SLC12A2: variants seen among roughly 807,000 people sequenced by gnomAD.
The protein encoded by SLC12A2 is solute carrier family 12 member 2, also known as Na-K-2Cl cotransporter 1.
In SLC12A2, 67 loss-of-function variants were observed where a neutral mutation model predicts 136.3. The observed-to-expected ratio is 0.49, with a 90% CI of 0.40 to 0.60. The LOEUF (loss-of-function observed/expected upper bound fraction) is 0.60, where lower values mean the gene tolerates loss of function less well. SLC12A2 is among the 20% of genes least tolerant of loss of function. The pLI, the probability that SLC12A2 is intolerant of heterozygous loss-of-function variation, is 0.00. For missense variants in SLC12A2, 1,322 were observed against 1,534.7 expected (o/e 0.86, Z 2.32); for synonymous variants, 619 against 562.9 (o/e 1.10, Z -1.41).
intron 1 of SLC12A2, among the ~76,000 whole-genome samples, chr5:128,105,615 C>T (rs1302722044): frequency 6.6e-6 from 1 of 152,004 alleles, no homozygotes; most frequent in Non-Finnish European, 1.5e-5. Context: ...AGTCAGAGTG[C>T]AGTAAAAAGT....
rs866422362 is a variant in SLC12A2 at position 128,180,905 on chromosome 5, C to T, written c.3123C>T (p.Tyr1041=). ...CAGGTTTGACCTTATTGATACCTTA[C>T]CTTCTGACGACCAAGAAAAAATGGA... The part of the protein sequence containing the change: ...DDGGLTLLIP[Y]LLTTKKKWKD... Residue 1041 remains tyrosine, a synonymous_variant, in exon 23 of 27, where the codon TAC becomes TAT. Transcript: ENST00000262461. 1.2e-6 allele frequency: 2 copies of T among 1,605,820 alleles called. No homozygotes were observed. Among genetic ancestry groups the T allele is most frequent in the African/African-American group, 1.3e-5 (1 of 74,648 alleles).
intron 23 of SLC12A2, among the ~76,000 whole-genome samples, chr5:128,181,784 C>T (rs971488545): frequency 6.6e-6 from 1 of 152,104 alleles, no homozygotes; most frequent in Non-Finnish European, 1.5e-5. Context: ...ATGCTCTAAA[C>T]ATGCATGTGA....
chr5:128,148,741 T>G lies in SLC12A2; in HGVS notation c.1882-13T>G. The G allele has an allele frequency of 6.4e-7, 1 of 1,567,124 alleles. No homozygotes were observed. The highest frequency in any genetic ancestry group is 1.2e-5 in the South Asian group (1 of 83,276). Reference sequence around the variant, plus strand: ...ATTTTAATATGTTTCATTTTAATGTTTTCTTTCATTAGGCTCTATGTAAGG... The same window carrying G: ...ATTTTAATATGTTTCATTTTAATGTGTTCTTTCATTAGGCTCTATGTAAGG... On this transcript the variant is annotated splice_polypyrimidine_tract_variant and intron_variant, in intron 11 of 26. Coordinates refer to ENST00000262461, the MANE Select transcript of SLC12A2 (RefSeq NM_001046.3).
At chr5:128,093,445 A>AT (rs1278298510) in intron 1 of SLC12A2, among the ~76,000 whole-genome samples, 2 of 152,002 alleles carry the variant, frequency 1.3e-5, no homozygotes, top group Non-Finnish European at 2.9e-5. Context: ...CTTGCTTGAC[A>AT]TTTTTGTTTT....
At chr5:128,135,677 A>G in intron 6 of SLC12A2, 23 bp from the exon 7 acceptor site, 1 of 1,415,010 alleles carries the variant, frequency 7.1e-7, no homozygotes, top group Non-Finnish European at 9.9e-7. Context: ...CTTGATTTTA[A>G]TTTTTAATGT....
chr5:128,172,249 A>G (rs1763399638), intron 19 of SLC12A2, among the ~76,000 whole-genome samples: 1 of 152,196 alleles, frequency 6.6e-6, no homozygotes, highest in African/African-American at 2.4e-5. Context: ...AGTTGCAAAA[A>G]ATAGTAGAGA....
intron 1 of SLC12A2, among the ~76,000 whole-genome samples, chr5:128,112,376 A>G (rs543120328): frequency 7.6e-4 from 115 of 152,302 alleles, no homozygotes; most frequent in South Asian, 1.4e-3. Flanking sequence ...TAAAAAAAAC[A>G]TATTCGTTGG....
chr5:128,159,496 A>G (rs1228149364), intron 16 of SLC12A2, among the ~76,000 whole-genome samples: 1 of 152,206 alleles, frequency 6.6e-6, no homozygotes, highest in Non-Finnish European at 1.5e-5. Context: ...AAGTTTTGCA[A>G]TGTATCCATC....
chr5:128,141,989 T>A lies in SLC12A2; in HGVS notation c.1773+8T>A. 6.2e-7 allele frequency: 1 copy of A among 1,612,568 alleles called. No individual in the cohort carries two copies. The highest frequency in any genetic ancestry group is 1.7e-5 in the Admixed American group (1 of 59,982). On this transcript the variant is annotated splice_region_variant and intron_variant, in intron 10 of 26. Transcript: ENST00000262461. ...CTAATGAACAACTTCCAGGTGAGCA[T>A]TGACTTTGTAATATACAGACATTCT...
chr5:128,180,500 G>C (rs1044036750), intron 22 of SLC12A2, among the ~76,000 whole-genome samples: 3 of 152,190 alleles, frequency 2.0e-5, no homozygotes, highest in Non-Finnish European at 4.4e-5. Context: ...CCTTGTGTGT[G>C]TGTCTGTGGA....
intron 19 of SLC12A2, 165 bp downstream of exon 19, chr5:128,171,911 G>C (rs1445265385): frequency 2.1e-6 from 1 of 481,548 alleles, no homozygotes; most frequent in East Asian, 3.5e-5. Context: ...ACTAAAGTTT[G>C]TGTTTTCTCG....
intron 22 of SLC12A2, 43 bp downstream of exon 22, chr5:128,178,732 C>T: frequency 6.9e-7 from 1 of 1,447,750 alleles, no homozygotes; most frequent in Non-Finnish European, 9.2e-7. Context: ...AATTTACTGA[C>T]ATTGTGAGAA....
intron 1 of SLC12A2, among the ~76,000 whole-genome samples, chr5:128,090,590 A>G (rs1213867423): frequency 2.0e-5 from 3 of 152,166 alleles, no homozygotes; most frequent in African/African-American, 7.2e-5. Flanking sequence ...TTCTAGCGGT[A>G]GGAGACAATA....
intron 1 of SLC12A2, among the ~76,000 whole-genome samples, chr5:128,108,671 T>A (rs1761033019): frequency 6.6e-6 from 1 of 152,060 alleles, no homozygotes; most frequent in African/African-American, 2.4e-5. Context: ...CTTTTCGGGG[T>A]GATAAAAATA....
At chr5:128,183,372 T>C (rs1046557068) in intron 24 of SLC12A2, among the ~76,000 whole-genome samples, 3 of 152,108 alleles carry the variant, frequency 2.0e-5, no homozygotes, top group East Asian at 1.9e-4. Flanking sequence ...CAGGTTGTTA[T>C]AATGATATTT....
chr5:128,116,874 C>CA (rs1456929922), intron 4 of SLC12A2, among the ~76,000 whole-genome samples: 1 of 152,002 alleles, frequency 6.6e-6, no homozygotes, highest in African/African-American at 2.4e-5. Context: ...GTATCTGACT[C>CA]AGATTTGGAA....
At chr5:128,156,969 G>A (rs1042218008) in intron 15 of SLC12A2, among the ~76,000 whole-genome samples, 3 of 152,130 alleles carry the variant, frequency 2.0e-5, no homozygotes, top group Non-Finnish European at 4.4e-5. Flanking sequence ...AATGTAACTT[G>A]CTAAAGCTCG....
chr5:128,131,651 C>G (rs1475797034), intron 5 of SLC12A2, among the ~76,000 whole-genome samples: 3 of 151,752 alleles, frequency 2.0e-5, no homozygotes, highest in African/African-American at 7.3e-5. Flanking sequence ...TTGCAGTGAA[C>G]TGAGACGGCA....
chr5:128,141,380 T>TA (rs1762358970), intron 9 of SLC12A2, among the ~76,000 whole-genome samples: 1 of 152,210 alleles, frequency 6.6e-6, no homozygotes, highest in South Asian at 2.1e-4. Flanking sequence ...ACATTCAAAT[T>TA]ATTTTCCCTC....
Sources: allele counts gnomAD v4.1 joint callset (sites outside exome capture counted in the v4.1 genomes callset), GRCh38; gene constraint gnomAD v4.1.1; transcripts MANE v1.5; gene names NCBI Gene and HGNC (gene_info 2026-07-23, HGNC 2026-07-21).